Variants in SGCZ observed in about 807,000 individuals in gnomAD.
The protein encoded by SGCZ is zeta-sarcoglycan.
Under a neutral mutation model 41.3 loss-of-function variants are expected in SGCZ, and 40 were observed. That is an observed-to-expected ratio of 0.97 (90% CI 0.75 to 1.26). The LOEUF (loss-of-function observed/expected upper bound fraction) is 1.26. Among genes scored for constraint, SGCZ ranks in the 50% most tolerant of loss-of-function variants. The pLI, the probability that SGCZ is intolerant of heterozygous loss-of-function variation, is 0.00. For synonymous variants in SGCZ, 206 were observed against 137.5 expected (o/e 1.50, Z -3.49); for missense variants, 552 against 369.8 (o/e 1.49, Z -4.04).
chr8:15,057,076 C>T (rs1804735970), intron 1 of SGCZ, among the ~76,000 whole-genome samples: 1 of 152,134 alleles, frequency 6.6e-6, no homozygotes, highest in African/African-American at 2.4e-5. Context: ...ATTGGGTGCA[C>T]ATGCTCTGGC....
At position 14,477,772 on chromosome 8, in the gene SGCZ, T is replaced by A. The variant is rs571628677; in HGVS notation, c.234+76960A>T. ...GTAAAAGAGAAGGAAATGTAGGAAA[T>A]GTGTCTGAAAAATCATACCTCTGCC... On this transcript the variant is annotated intron_variant, in intron 2 of 7. Coordinates refer to ENST00000382080, the MANE Select transcript of SGCZ (RefSeq NM_139167.4). 1.2e-3 allele frequency among the ~76,000 whole-genome samples: 185 copies of A among 152,342 alleles called. 1 individual carries two copies. Among genetic ancestry groups the A allele is most frequent in the Non-Finnish European group, 2.0e-3 (138 of 68,028 alleles).
chr8:14,468,878 G>A (rs923709421), intron 2 of SGCZ, among the ~76,000 whole-genome samples: 1 of 152,082 alleles, frequency 6.6e-6, no homozygotes, highest in Admixed American at 6.6e-5. Flanking sequence ...TGAATATAAA[G>A]TAATAAATTG....
At chr8:14,397,904 C>G (rs769333789) in intron 2 of SGCZ, among the ~76,000 whole-genome samples, 1 of 152,126 alleles carries the variant, frequency 6.6e-6, no homozygotes, top group Admixed American at 6.6e-5. Flanking sequence ...CAACCTTGCC[C>G]TGCATTTCAC....
intron 4 of SGCZ, among the ~76,000 whole-genome samples, chr8:14,206,947 G>C (rs1469841790): frequency 6.6e-6 from 1 of 152,138 alleles, no homozygotes; most frequent in Non-Finnish European, 1.5e-5. Context: ...ACAATGTCTA[G>C]AATGACTTAT....
intron 1 of SGCZ, among the ~76,000 whole-genome samples, chr8:14,780,406 C>G (rs932823701): frequency 1.4e-5 from 2 of 146,148 alleles, no homozygotes; most frequent in Non-Finnish European, 3.0e-5. Flanking sequence ...GAAAAGAAAA[C>G]AAAAATACAA....
At chr8:14,597,140 C>T (rs1000748956) in intron 1 of SGCZ, among the ~76,000 whole-genome samples, 5 of 152,108 alleles carry the variant, frequency 3.3e-5, no homozygotes, top group Non-Finnish European at 5.9e-5. Context: ...TGTTAGAATA[C>T]GTTAAAATAT....
At chr8:14,756,839 C>G (rs548456276) in intron 1 of SGCZ, among the ~76,000 whole-genome samples, 160 of 152,198 alleles carry the variant, frequency 1.1e-3, no homozygotes, top group African/African-American at 3.7e-3. Context: ...TTAATGAAAT[C>G]TCACAAGTTA....
chr8:14,904,633 T>C (rs1799070958), intron 1 of SGCZ, among the ~76,000 whole-genome samples: 1 of 152,038 alleles, frequency 6.6e-6, no homozygotes, highest in African/African-American at 2.4e-5. Context: ...AACTGCACAA[T>C]TTATTGAGGG....
intron 2 of SGCZ, among the ~76,000 whole-genome samples, chr8:14,421,925 A>C (rs1458739342): frequency 6.6e-6 from 1 of 152,160 alleles, no homozygotes; most frequent in African/African-American, 2.4e-5. Flanking sequence ...CTTATGGGCC[A>C]AGACTTTTTT....
intron 1 of SGCZ, among the ~76,000 whole-genome samples, chr8:14,965,532 G>T (rs1801103481): frequency 6.6e-6 from 1 of 152,160 alleles, no homozygotes; most frequent in Admixed American, 6.6e-5. Flanking sequence ...GATATTATAT[G>T]ATGATCACAA....
At chr8:14,105,784 A>C (rs1802184567) in intron 6 of SGCZ, among the ~76,000 whole-genome samples, 1 of 152,152 alleles carries the variant, frequency 6.6e-6, no homozygotes, top group African/African-American at 2.4e-5. Flanking sequence ...TCACTTATGA[A>C]TTGTGAAATA....
At chr8:14,181,448 G>A (rs1010788737) in intron 4 of SGCZ, among the ~76,000 whole-genome samples, 6 of 152,150 alleles carry the variant, frequency 3.9e-5, no homozygotes, top group Non-Finnish European at 8.8e-5. Flanking sequence ...CCAGAGGTAG[G>A]TGGGCATCCC....
At chr8:15,042,439 G>T (rs1804138639) in intron 1 of SGCZ, among the ~76,000 whole-genome samples, 1 of 152,088 alleles carries the variant, frequency 6.6e-6, no homozygotes, top group South Asian at 2.1e-4. Context: ...AGCACTACAG[G>T]GCACTAGACC....
At chr8:14,589,532 G>C (rs1201733376) in intron 1 of SGCZ, among the ~76,000 whole-genome samples, 1 of 152,060 alleles carries the variant, frequency 6.6e-6, no homozygotes, top group African/African-American at 2.4e-5. Context: ...GGTTCAGGCA[G>C]TCTTTCAAAA....
intron 1 of SGCZ, among the ~76,000 whole-genome samples, chr8:14,573,465 G>C (rs1031132887): frequency 6.6e-6 from 1 of 152,044 alleles, no homozygotes; most frequent in African/African-American, 2.4e-5. Flanking sequence ...TGGGATTACA[G>C]GCATGAGCCA....
intron 1 of SGCZ, among the ~76,000 whole-genome samples, chr8:15,041,467 A>T (rs900418757): frequency 6.6e-6 from 1 of 152,112 alleles, no homozygotes; most frequent in African/African-American, 2.4e-5. Flanking sequence ...CATGATTTAT[A>T]TAATTTTATA....
intron 2 of SGCZ, among the ~76,000 whole-genome samples, chr8:14,393,200 T>C (rs1438968361): frequency 6.6e-6 from 1 of 152,136 alleles, no homozygotes; most frequent in African/African-American, 2.4e-5. Flanking sequence ...AGAAATCACT[T>C]TGGCAGATAG....
chr8:14,970,417 T>C (rs1801253219), intron 1 of SGCZ, among the ~76,000 whole-genome samples: 1 of 152,162 alleles, frequency 6.6e-6, no homozygotes, highest in Non-Finnish European at 1.5e-5. Flanking sequence ...CAGAAGTTTT[T>C]TTCCTTATGT....
At chr8:14,413,969 G>T (rs1438921649) in intron 2 of SGCZ, among the ~76,000 whole-genome samples, 1 of 151,804 alleles carries the variant, frequency 6.6e-6, no homozygotes, top group Admixed American at 6.6e-5. Context: ...TTCTCCTATT[G>T]TTCTTTAGAT....
Sources: gnomAD v4.1 joint callset for allele counts (sites outside exome capture counted in the v4.1 genomes callset) on GRCh38, gnomAD v4.1.1 for gene constraint, MANE v1.5 for transcripts, NCBI Gene and HGNC (gene_info 2026-07-23, HGNC 2026-07-21) for gene names.